Variants in PIK3CA observed in about 807,000 individuals in gnomAD.
The protein encoded by PIK3CA is phosphatidylinositol-4,5-bisphosphate 3-kinase catalytic subunit alpha.
A neutral mutation model predicts 138.2 loss-of-function variants in PIK3CA; 27 were observed. The observed-to-expected ratio is 0.20, with a 90% CI of 0.14 to 0.27. The LOEUF (loss-of-function observed/expected upper bound fraction) is 0.27. Among genes scored for constraint, PIK3CA ranks in the 10% least tolerant of loss-of-function variants. PIK3CA has a pLI of 1.00. For synonymous variants in PIK3CA, 358 were observed against 413.2 expected, an observed-to-expected ratio of 0.87 and a Z score of 1.62; for missense variants, 544 against 1,277.4, an observed-to-expected ratio of 0.43 and a Z score of 8.75.
chr3:179,208,197 T>C (rs1724618714), intron 6 of PIK3CA, among the ~76,000 whole-genome samples: 1 of 152,190 alleles, frequency 6.6e-6, no homozygotes, highest in South Asian at 2.1e-4. Flanking sequence ...TGAGCAAAAA[T>C]GCTAGAATAA....
Position 179,236,580 on chromosome 3 carries a change from T to C in PIK3CA, c.*2216T>C, listed in dbSNP as rs972374478. ...CCGAGTGCCAAAAATGCTGTGAGCC[T>C]CCTTGCACAAAATTTATACCACTTT... On this transcript the variant is annotated 3_prime_UTR_variant, in exon 21 of 21. Transcript: ENST00000263967. 4 of 225,236 alleles carry C rather than the reference T, an allele frequency of 1.8e-5. No individual in the cohort carries two copies. Among genetic ancestry groups the C allele is most frequent in the Non-Finnish European group, 3.6e-5 (4 of 111,880 alleles). 14.0% of individuals were successfully genotyped at this position (225,236 alleles called of 1,614,324 possible). A position where few individuals can be genotyped will look rare whatever the true frequency, so the allele number is the denominator to read the frequency against.
At chr3:179,217,017 T>C (rs1315286452) in intron 9 of PIK3CA, among the ~76,000 whole-genome samples, 1 of 152,142 alleles carries the variant, frequency 6.6e-6, no homozygotes, top group East Asian at 1.9e-4. Flanking sequence ...AAATCCCAAC[T>C]TTATACCCTG....
chr3:179,171,192 C>A (rs191818403), intron 1 of PIK3CA, among the ~76,000 whole-genome samples: 2 of 152,092 alleles, frequency 1.3e-5, no homozygotes, highest in East Asian at 3.9e-4. Context: ...TTCTGAGTAA[C>A]CCATGGGTGA....
chr3:179,218,820 ATT>A (rs1022339079), intron 10 of PIK3CA, among the ~76,000 whole-genome samples: 3 of 152,082 alleles, frequency 2.0e-5, no homozygotes, highest in Non-Finnish European at 4.4e-5. Context: ...TAAGACATAA[ATT>A]TTGTCCAGTA....
In PIK3CA at chr3:179,219,702, C is replaced by T. The variant is rs1190082314; in HGVS notation, c.1878C>T (p.Asp626=). 1.2e-6 allele frequency: 2 copies of T among 1,608,142 alleles called. No homozygotes were observed. The highest frequency in any genetic ancestry group is 1.7e-6 in the Non-Finnish European group (2 of 1,175,534). ...GCTTGGAAAAATATTTAACAGATGA[C>T]AAACTTTCTCAGTATTTAATTCAGC... ...VRCLEKYLTD[D]KLSQYLIQLV... is the part of the protein sequence containing the mutation. Residue 626 remains aspartate, a synonymous_variant, in exon 12 of 21, where the codon GAC becomes GAT. Transcript: ENST00000263967. The surrounding 1 kb of genome is among the most constrained non-coding windows in gnomAD (Gnocchi z 4.2).
intron 1 of PIK3CA, among the ~76,000 whole-genome samples, chr3:179,175,585 T>A (rs1723676813): frequency 6.6e-6 from 1 of 152,312 alleles, no homozygotes; most frequent in East Asian, 1.9e-4. Context: ...GAACTCCTAC[T>A]AGCCAGATAC....
chr3:179,186,595 T>A (rs2108375046), intron 1 of PIK3CA, among the ~76,000 whole-genome samples: 1 of 152,368 alleles, frequency 6.6e-6, no homozygotes, highest in Admixed American at 6.5e-5. Flanking sequence ...AAAGGGATTT[T>A]CTTCCTGAAG....
chr3:179,188,520 C>CTGGG (rs1724049454), intron 1 of PIK3CA, among the ~76,000 whole-genome samples: 1 of 152,032 alleles, frequency 6.6e-6, no homozygotes, highest in African/African-American at 2.4e-5. Context: ...TCATTATTTA[C>CTGGG]CAATACAGTC....
chr3:179,171,725 A>G (rs1179076878), intron 1 of PIK3CA, among the ~76,000 whole-genome samples: 2 of 152,186 alleles, frequency 1.3e-5, no homozygotes, highest in Admixed American at 1.3e-4. Flanking sequence ...TATATAGAGT[A>G]AATAAATTGA....
rs1722973662 is a variant in PIK3CA at position 179,150,155 on chromosome 3, G to A, written c.-77+1552G>A. ...TCATCAGCCAAAATTATCTGAAGAGGACTGTGTGTGTTTACGTGTGTGTGT... is the reference window on the plus strand; with the variant it reads ...TCATCAGCCAAAATTATCTGAAGAGAACTGTGTGTGTTTACGTGTGTGTGT... On this transcript the variant is annotated intron_variant, in intron 1 of 20. Coordinates refer to ENST00000263967, the MANE Select transcript of PIK3CA (RefSeq NM_006218.4). 3.5e-5 allele frequency among the ~76,000 whole-genome samples: 5 copies of A among 144,574 alleles called. No homozygotes were observed. In the South Asian group the frequency reaches 1.1e-3, roughly 33 times the overall value. 94.8% of individuals were successfully genotyped at this position (144,574 alleles called of 152,430 possible).
chr3:179,237,307 C>T lies in PIK3CA; in HGVS notation c.*2943C>T, dbSNP rs182398968. 1.2e-4 allele frequency: 23 copies of T among 195,272 alleles called. 1 individual carries two copies. The highest frequency in any genetic ancestry group is 7.3e-4 in the East Asian group (9 of 12,372). 12.1% of individuals were successfully genotyped at this position (195,272 alleles called of 1,614,324 possible). On this transcript the variant is annotated 3_prime_UTR_variant, in exon 21 of 21. Transcript: ENST00000263967. Reference sequence around the variant, plus strand: ...TAAGCTTTTTGTGGTTCTTAGTGTCCTATGTAAAACTTAGTGTCAAAGTAA... The same window carrying T: ...TAAGCTTTTTGTGGTTCTTAGTGTCTTATGTAAAACTTAGTGTCAAAGTAA...
intron 17 of PIK3CA, among the ~76,000 whole-genome samples, chr3:179,227,273 A>G (rs953493032): frequency 3.9e-5 from 6 of 152,216 alleles, no homozygotes; most frequent in Non-Finnish European, 7.4e-5. Flanking sequence ...TGGCAAAACT[A>G]TAATTCAGAA....
In PIK3CA at chr3:179,201,345, G is replaced by T; in HGVS notation, c.618G>T (p.Lys206Asn). The change falls in exon 4 of 21, where the codon AAG (lysine) becomes AAT (asparagine). Residue 206 changes from lysine (K) to asparagine (N), a missense_variant. Physicochemically the swap from Lys to Asn is moderately conservative, Grantham distance 94. This residue lies in a region of PIK3CA where 234 missense variants were observed against 401.3 expected (regional missense o/e 0.58). Transcript: ENST00000263967. ...TTTCTCCAAATAATGACAAGCAGAA[G>T]TATACTCTGAAAATCAACCATGACT... The part of the protein sequence containing the change: ...VIVSPNNDKQ[K>N]YTLKINHDCV... The T allele has an allele frequency of 6.2e-7, 1 of 1,613,180 alleles. No individual in the cohort carries two copies.
intron 1 of PIK3CA, among the ~76,000 whole-genome samples, chr3:179,170,074 G>GTGCACACACACACA (rs756375767): frequency 2.5e-5 from 3 of 119,892 alleles, no homozygotes; most frequent in African/African-American, 7.9e-5. Context: ...ACACGCGCGC[G>GTGCACACACACACA]CGCACACACA....
chr3:179,157,829 T>C (rs1395205988), intron 1 of PIK3CA, among the ~76,000 whole-genome samples: 1 of 152,124 alleles, frequency 6.6e-6, no homozygotes, highest in Non-Finnish European at 1.5e-5. Context: ...GATTACTAGT[T>C]TTGTAACTTT....
In PIK3CA at chr3:179,229,196, C is replaced by A. The variant is rs1725154799; in HGVS notation, c.2496-76C>A. The stretch of plus-strand genomic sequence containing the variant: ...ATGACAAATTTACTAATAAAATACT[C>A]ATGTTTTAGCCTGTTAAAACATTTG... On this transcript the variant is annotated intron_variant, in intron 17 of 20. Transcript: ENST00000263967. 3.6e-6 allele frequency: 4 copies of A among 1,122,990 alleles called. No homozygotes were observed. The South Asian group carries it at 4.6e-5, about 13-fold the overall frequency. The allele number at this position is 1,122,990 out of a possible 1,614,324, so 69.6% of individuals were successfully genotyped here. A position where few individuals can be genotyped will look rare whatever the true frequency, so the allele number is the denominator to read the frequency against.
intron 1 of PIK3CA, among the ~76,000 whole-genome samples, chr3:179,188,265 A>G (rs954564603): frequency 6.6e-5 from 10 of 152,334 alleles, no homozygotes; most frequent in African/African-American, 2.4e-4. Context: ...GTAAAAGCTC[A>G]AGTCACTAGT....
At chr3:179,197,812 A>G (rs1234428175) in intron 1 of PIK3CA, among the ~76,000 whole-genome samples, 2 of 152,220 alleles carry the variant, frequency 1.3e-5, no homozygotes, top group African/African-American at 2.4e-5. Flanking sequence ...ATAAACAGCA[A>G]GAAGTAAACT....
chr3:179,164,403 A>G (rs988740627), intron 1 of PIK3CA, among the ~76,000 whole-genome samples: 4 of 152,228 alleles, frequency 2.6e-5, no homozygotes, highest in African/African-American at 7.2e-5. Flanking sequence ...AGAAATATGA[A>G]TACACTTTCC....
Sources: gnomAD v4.1 joint callset for allele counts (sites outside exome capture counted in the v4.1 genomes callset) on GRCh38, gnomAD v4.1.1 for gene constraint, gnomAD v4.1.1 regional missense constraint, Gnocchi (gnomAD v3.1) non-coding constraint, MANE v1.5 for transcripts, NCBI Gene and HGNC (gene_info 2026-07-23, HGNC 2026-07-21) for gene names.